The following WDR77 variants were observed in gnomAD, a reference collection of about 807,000 sequenced individuals.
The protein encoded by WDR77 is methylosome protein WDR77.
WDR77 carries 31 observed loss-of-function variants against 44.0 expected under a neutral mutation model. The ratio of observed to expected loss-of-function variants is 0.70; its 90% confidence interval spans 0.53 to 0.95. The LOEUF is 0.95. Among genes scored for constraint, WDR77 ranks in the 40% least tolerant of loss-of-function variants. WDR77 has a pLI of 0.00. For missense variants in WDR77, 390 were observed against 423.9 expected (o/e 0.92, Z 0.70); for synonymous variants, 186 against 165.7 (o/e 1.12, Z -0.94).
At chr1:111,443,979 A>C (rs1163393700) in intron 5 of WDR77, 58 bp from the exon 6 acceptor site, 6 of 1,613,160 alleles carry the variant, frequency 3.7e-6, no homozygotes, top group Non-Finnish European at 5.1e-6. Context: ...GTTGCAGGCC[A>C]GAAAGTCTCC....
At position 111,449,038 on chromosome 1, in the gene WDR77, C is replaced by T. The variant is rs1465622550; in HGVS notation, c.115+17G>A. On this transcript the variant is annotated intron_variant, in intron 1 of 9. Coordinates refer to ENST00000235090, the MANE Select transcript of WDR77 (RefSeq NM_024102.4). ...GGCCGGGGTAAGGGAGCTCCCAGGCCCGGGATCTCGGCTCACCGGACCGGT... is the reference window on the plus strand; with the variant it reads ...GGCCGGGGTAAGGGAGCTCCCAGGCTCGGGATCTCGGCTCACCGGACCGGT... The T allele has an allele frequency of 6.4e-7, 1 of 1,568,332 alleles. No homozygotes were observed. The highest frequency in any genetic ancestry group is 2.4e-5 in the East Asian group (1 of 42,486).
chr1:111,440,979 C>T lies in WDR77; in HGVS notation c.*251G>A. 6.9e-6 allele frequency: 2 copies of T among 289,168 alleles called. No individual in the cohort carries two copies. Among genetic ancestry groups the T allele is most frequent in the Non-Finnish European group, 1.3e-5 (2 of 159,296 alleles). 17.9% of individuals were successfully genotyped at this position (289,168 alleles called of 1,614,324 possible). On this transcript the variant is annotated 3_prime_UTR_variant, in exon 10 of 10. Coordinates refer to ENST00000235090, the MANE Select transcript of WDR77 (RefSeq NM_024102.4). Reference sequence around the variant, plus strand: ...GGATGGATTTTTTTTATTCCTGCCACTACCAAAAACTATAAATCTACACAC... The same window carrying T: ...GGATGGATTTTTTTTATTCCTGCCATTACCAAAAACTATAAATCTACACAC...
At chr1:111,444,696 T>A (rs1345094904) in intron 4 of WDR77, among the ~76,000 whole-genome samples, 2 of 152,214 alleles carry the variant, frequency 1.3e-5, no homozygotes, top group African/African-American at 4.8e-5. Context: ...AAAAGGGGCT[T>A]TTCCATAAGA....
At chr1:111,446,155 C>A (rs1653021181) in intron 4 of WDR77, among the ~76,000 whole-genome samples, 1 of 152,206 alleles carries the variant, frequency 6.6e-6, no homozygotes, top group Non-Finnish European at 1.5e-5. Flanking sequence ...TCAGTGATTT[C>A]TCTGGCCTAT....
chr1:111,448,140 C>T (rs1230595878), intron 2 of WDR77, among the ~76,000 whole-genome samples: 3 of 151,326 alleles, frequency 2.0e-5, no homozygotes, highest in African/African-American at 7.3e-5. Context: ...AAAACTGGGA[C>T]TTTAAACTTC....
At chr1:111,448,519 G>A in intron 2 of WDR77, 100 bp downstream of exon 2, 1 of 1,435,446 alleles carries the variant, frequency 7.0e-7, no homozygotes, top group Non-Finnish European at 9.8e-7. Flanking sequence ...CAAGCACTGA[G>A]TATAGGACGT....
chr1:111,448,581 A>T (rs990956695), intron 2 of WDR77, 38 bp downstream of exon 2: 1 of 1,613,380 alleles, frequency 6.2e-7, no homozygotes, highest in African/African-American at 1.3e-5. Flanking sequence ...CTACCGTTCC[A>T]CCCGGGGGTG....
chr1:111,442,963 A>G (rs1442376671), intron 7 of WDR77, among the ~76,000 whole-genome samples: 1 of 152,208 alleles, frequency 6.6e-6, no homozygotes, highest in Non-Finnish European at 1.5e-5. Context: ...ACCACAAACT[A>G]TGTCACCATA....
chr1:111,448,598 G>C, intron 2 of WDR77, 21 bp downstream of exon 2: 1 of 1,614,000 alleles, frequency 6.2e-7, no homozygotes, highest in Non-Finnish European at 8.5e-7. Flanking sequence ...GGTGGGGGTG[G>C]ATAATGGGAT....
chr1:111,446,512 A>G (rs1297613644), intron 4 of WDR77, among the ~76,000 whole-genome samples: 1 of 152,218 alleles, frequency 6.6e-6, no homozygotes, highest in East Asian at 1.9e-4. Flanking sequence ...AAGGGCTTCA[A>G]TGCCATGACA....
In WDR77 at chr1:111,442,760, A is replaced by C; in HGVS notation, c.693T>G (p.Gly231=). The part of the protein sequence containing the change: ...HPQQSEVFVF[G]DENGTVSLVD... ...CAAGGGAGACTGTCCCATTCTCATCACCTGTAGAAGAGAAGGAACATGTCA... is the reference window on the plus strand; with the variant it reads ...CAAGGGAGACTGTCCCATTCTCATCCCCTGTAGAAGAGAAGGAACATGTCA... Residue 231 remains glycine, a splice_region_variant and synonymous_variant, in exon 8 of 10, where the codon GGT becomes GGG. Coordinates refer to ENST00000235090, the MANE Select transcript of WDR77 (RefSeq NM_024102.4). 6.4e-7 allele frequency: 1 copy of C among 1,571,364 alleles called. No individual in the cohort carries two copies. Among genetic ancestry groups the C allele is most frequent in the Non-Finnish European group, 8.7e-7 (1 of 1,151,464 alleles).
intron 4 of WDR77, among the ~76,000 whole-genome samples, chr1:111,444,701 A>T (rs1204090521): frequency 1.3e-5 from 2 of 152,346 alleles, no homozygotes; most frequent in East Asian, 3.9e-4. Flanking sequence ...GGGCTTTTCC[A>T]TAAGAACCAA....
In WDR77 at chr1:111,444,076, G is replaced by C; in HGVS notation, c.542C>G (p.Ser181Cys). 3.1e-6 allele frequency: 5 copies of C among 1,614,138 alleles called. No homozygotes were observed. The highest frequency in any genetic ancestry group is 4.2e-6 in the Non-Finnish European group (5 of 1,180,030). Residue 181 changes from serine to cysteine, a missense_variant, in exon 5 of 10, where the codon TCT becomes TGT. Ser to Cys is a moderately radical substitution (Grantham distance 112). Coordinates refer to ENST00000235090, the MANE Select transcript of WDR77 (RefSeq NM_024102.4). ...TACCTCGCTGCATGAAAGAAACACAGAGTCCTTGTGAGGAGAGGCAGCAAC... is the reference window on the plus strand; with the variant it reads ...TACCTCGCTGCATGAAAGAAACACACAGTCCTTGTGAGGAGAGGCAGCAAC... ...TCVAASPHKD[S>C]VFLSCSEDNR...
chr1:111,443,025 A>C (rs954388121), intron 7 of WDR77, among the ~76,000 whole-genome samples: 8 of 152,232 alleles, frequency 5.3e-5, no homozygotes, highest in Non-Finnish European at 7.3e-5. Context: ...GTAGGACAGA[A>C]TTCGCTATAT....
chr1:111,448,693 C>G lies in WDR77; in HGVS notation c.227G>C (p.Gly76Ala). 2 of 1,614,232 alleles carry G rather than the reference C, an allele frequency of 1.2e-6. No homozygotes were observed. The highest frequency in any genetic ancestry group is 1.7e-6 in the Non-Finnish European group (2 of 1,180,036). The change falls in exon 2 of 10, where the codon GGA (glycine) becomes GCA (alanine). Residue 76 changes from glycine to alanine, a missense_variant. Transcript: ENST00000235090. ...AGCCACTCCAGCCTCCGTTTGGACT[C>G]CGGCGGAGCAGAAGCCTTCGTTGGG... ...AAPNEGFCSA[G>A]VQTEAGVADL...
intron 7 of WDR77, 31 bp downstream of exon 7, chr1:111,443,292 A>G: frequency 6.5e-7 from 1 of 1,547,718 alleles, no homozygotes; most frequent in Non-Finnish European, 8.7e-7. Context: ...CCTTTCCCAG[A>G]GTCAATATGA....
intron 9 of WDR77, 56 bp from the exon 10 acceptor site, chr1:111,441,445 GA>G (rs1474533750): frequency 3.5e-6 from 5 of 1,422,432 alleles, no homozygotes; most frequent in South Asian, 1.7e-5. Context: ...CAGACCTGGA[GA>G]AAAAAAGAGA....
Position 111,444,132 on chromosome 1 carries a change from G to A in WDR77, c.494-8C>T. On this transcript the variant is annotated splice_region_variant and splice_polypyrimidine_tract_variant and intron_variant, in intron 4 of 9. Coordinates refer to ENST00000235090, the MANE Select transcript of WDR77 (RefSeq NM_024102.4). ...TGACCTGAGCAGCATGAGCTATAAA[G>A]GAGAGAGAAAGAGAAATATGATAGA... The A allele has an allele frequency of 6.2e-7, 1 of 1,613,384 alleles. No individual in the cohort carries two copies. Among genetic ancestry groups the A allele is most frequent in the Non-Finnish European group, 8.5e-7 (1 of 1,179,820 alleles).
intron 1 of WDR77, 93 bp downstream of exon 1, chr1:111,448,962 T>C (rs1470247931): frequency 3.8e-6 from 4 of 1,062,070 alleles, no homozygotes; most frequent in African/African-American, 1.6e-5. Flanking sequence ...CAGGATAACA[T>C]GCAGGGCGGG....
Sources: allele counts gnomAD v4.1 joint callset (sites outside exome capture counted in the v4.1 genomes callset), GRCh38; gene constraint gnomAD v4.1.1; transcripts MANE v1.5; gene names NCBI Gene and HGNC (gene_info 2026-07-23, HGNC 2026-07-21).